Variants in MALRD1 observed in about 807,000 individuals in gnomAD.
MALRD1 encodes MAM and LDL-receptor class A domain-containing protein 1.
Under a neutral mutation model 242.1 loss-of-function variants are expected in MALRD1, and 247 were observed. That is an observed-to-expected ratio of 1.02 (90% confidence interval 0.92 to 1.13). MALRD1 has a LOEUF of 1.13. Ranked by LOEUF, MALRD1 falls within the 50% of genes most tolerant of loss-of-function variation. MALRD1 has a pLI of 0.00. For synonymous variants in MALRD1, 995 were observed against 866.6 expected, an observed-to-expected ratio of 1.15 and a Z score of -2.60; for missense variants, 2,989 against 2,533.1, an observed-to-expected ratio of 1.18 and a Z score of -3.86.
Position 19,165,285 on chromosome 10 carries a change from T to G in MALRD1, c.1657-352T>G, listed in dbSNP as rs546966742. Reference sequence around the variant, plus strand: ...TATATATTTTGTTTTGTTTTGTTTTTGTTTTGTTTTGTTTTGTTTTGTTTT... The same window carrying G: ...TATATATTTTGTTTTGTTTTGTTTTGGTTTTGTTTTGTTTTGTTTTGTTTT... On this transcript the variant is annotated intron_variant, in intron 12 of 39. Coordinates refer to ENST00000454679, the MANE Select transcript of MALRD1 (RefSeq NM_001142308.3). 1.4e-3 allele frequency among the ~76,000 whole-genome samples: 138 copies of G among 101,228 alleles called. 1 individual carries two copies. Among genetic ancestry groups the G allele is most frequent in the South Asian group, 0.013 (36 of 2,702 alleles). The allele number at this position is 101,228 out of a possible 152,430, so 66.4% of individuals were successfully genotyped here.
At chr10:19,345,506 G>T (rs1156343032) in intron 24 of MALRD1, among the ~76,000 whole-genome samples, 1 of 151,768 alleles carries the variant, frequency 6.6e-6, no homozygotes, top group African/African-American at 2.4e-5. Context: ...AGGATACTTA[G>T]AACTTCAGTA....
intron 28 of MALRD1, among the ~76,000 whole-genome samples, chr10:19,403,031 TAAAG>T (rs1564310525): frequency 6.6e-6 from 1 of 152,128 alleles, no homozygotes; most frequent in Admixed American, 6.6e-5. Context: ...TTATAGTGCT[TAAAG>T]AAGCTTAACT....
intron 32 of MALRD1, among the ~76,000 whole-genome samples, chr10:19,534,987 G>A (rs531974479): frequency 1.5e-4 from 23 of 152,246 alleles, no homozygotes; most frequent in Middle Eastern, 3.4e-3. Flanking sequence ...CCTGGTTCAA[G>A]CGATTCTCCT....
At chr10:19,497,405 G>A (rs976384852) in intron 30 of MALRD1, among the ~76,000 whole-genome samples, 6 of 114,374 alleles carry the variant, frequency 5.2e-5, no homozygotes, top group African/African-American at 2.5e-4. Flanking sequence ...TAGAATGAAC[G>A]AAAGGAATGT....
At chr10:19,576,406 T>A (rs930971975) in intron 33 of MALRD1, among the ~76,000 whole-genome samples, 5 of 152,170 alleles carry the variant, frequency 3.3e-5, no homozygotes, top group African/African-American at 1.2e-4. Context: ...GAATTAAGCT[T>A]GAAAATTCTG....
chr10:19,200,839 C>T (rs1186740392), intron 14 of MALRD1, among the ~76,000 whole-genome samples: 1 of 151,856 alleles, frequency 6.6e-6, no homozygotes, highest in Non-Finnish European at 1.5e-5. Context: ...TAATTTTTCT[C>T]ACAGCAACTA....
chr10:19,129,304 A>G lies in MALRD1; in HGVS notation c.1110+917A>G, dbSNP rs562092130. On this transcript the variant is annotated intron_variant, in intron 8 of 39. Transcript: ENST00000454679. ...CTAGGATGGCTCACAGAATTCAGGAAAACACTTTACTCATGTTACCCATTT... is the reference window on the plus strand; with the variant it reads ...CTAGGATGGCTCACAGAATTCAGGAGAACACTTTACTCATGTTACCCATTT... Among the ~76,000 whole-genome samples, 13 of 152,272 alleles carry G rather than the reference A, an allele frequency of 8.5e-5. No homozygotes were observed. In the South Asian group the frequency reaches 2.7e-3, roughly 32 times the overall value.
At chr10:19,543,451 T>TTTTTTTTTTTTTTTGG (rs1554796763) in intron 32 of MALRD1, among the ~76,000 whole-genome samples, 1 of 143,722 alleles carries the variant, frequency 7.0e-6, no homozygotes, top group African/African-American at 2.8e-5. Context: ...TTTTTTTTTT[T>TTTTTTTTTTTTTTTGG]GAGAGAGAAA....
At chr10:19,284,124 A>G (rs1011064272) in intron 21 of MALRD1, among the ~76,000 whole-genome samples, 9 of 152,212 alleles carry the variant, frequency 5.9e-5, no homozygotes, top group African/African-American at 2.2e-4. Context: ...AGCAGACTAC[A>G]TAACAAATGT....
At chr10:19,440,217 G>A (rs1037006331) in intron 28 of MALRD1, among the ~76,000 whole-genome samples, 24 of 152,034 alleles carry the variant, frequency 1.6e-4, no homozygotes, top group African/African-American at 5.8e-4. Flanking sequence ...CTAGTTTTTA[G>A]TCCATAGTCT....
At chr10:19,551,493 A>T (rs1376036927) in intron 32 of MALRD1, among the ~76,000 whole-genome samples, 3 of 152,158 alleles carry the variant, frequency 2.0e-5, no homozygotes, top group African/African-American at 7.2e-5. Flanking sequence ...TCAGCTTAAG[A>T]AGCTTTTGCA....
At chr10:19,436,041 A>C (rs1834337562) in intron 28 of MALRD1, among the ~76,000 whole-genome samples, 1 of 152,136 alleles carries the variant, frequency 6.6e-6, no homozygotes, top group Admixed American at 6.6e-5. Context: ...CAGCACCTGT[A>C]TCACCTGATG....
chr10:19,363,016 A>G (rs1355494092), intron 26 of MALRD1, among the ~76,000 whole-genome samples: 1 of 152,036 alleles, frequency 6.6e-6, no homozygotes. Context: ...GGAGGAGCAG[A>G]TTTCATGGGG....
At chr10:19,728,544 AG>A (rs1835146995) in intron 38 of MALRD1, 2 of 151,836 alleles carry the variant, frequency 1.3e-5, no homozygotes, top group Non-Finnish European at 2.9e-5. Flanking sequence ...TGGTCCCTTC[AG>A]CTCCTGGTTG....
intron 33 of MALRD1, among the ~76,000 whole-genome samples, chr10:19,583,934 C>T (rs1338240881): frequency 6.6e-6 from 1 of 152,148 alleles, no homozygotes; most frequent in African/African-American, 2.4e-5. Context: ...GATTCAACTT[C>T]TTCCTGGTTT....
chr10:19,094,178 C>T (rs1251063056), intron 4 of MALRD1, among the ~76,000 whole-genome samples: 14 of 106,856 alleles, frequency 1.3e-4, no homozygotes, highest in Admixed American at 6.0e-4. Context: ...ATGGCGGGCG[C>T]CCCTCCCCCA....
intron 19 of MALRD1, among the ~76,000 whole-genome samples, chr10:19,265,540 C>T (rs1041473344): frequency 6.6e-6 from 1 of 151,750 alleles, no homozygotes; most frequent in East Asian, 1.9e-4. Context: ...CCAACTTTTC[C>T]CCTCTCAATG....
chr10:19,426,584 T>C (rs564737927), intron 28 of MALRD1, among the ~76,000 whole-genome samples: 2 of 152,206 alleles, frequency 1.3e-5, no homozygotes, highest in South Asian at 4.1e-4. Flanking sequence ...GGTGAATCAT[T>C]TGAGGTCAGG....
chr10:19,615,553 A>G (rs988816549), intron 35 of MALRD1, among the ~76,000 whole-genome samples: 34 of 148,396 alleles, frequency 2.3e-4, no homozygotes, highest in Non-Finnish European at 4.0e-4. Flanking sequence ...AGAGAAAGAA[A>G]AAATAGCAAA....
Sources: gnomAD v4.1 joint callset for allele counts (sites outside exome capture counted in the v4.1 genomes callset) on GRCh38, gnomAD v4.1.1 for gene constraint, MANE v1.5 for transcripts, NCBI Gene and HGNC (gene_info 2026-07-23, HGNC 2026-07-21) for gene names.